Variants in NIN observed in about 807,000 individuals in gnomAD.
NIN encodes glycogen synthase kinase 3 beta-interacting protein.
Under a neutral mutation model 257.6 loss-of-function variants are expected in NIN, and 137 were observed. The observed-to-expected ratio is 0.53, with a 90% CI of 0.46 to 0.61. The LOEUF is 0.61. NIN is among the 20% of genes least tolerant of loss of function. NIN has a pLI of 0.00. For missense variants in NIN, 2,439 were observed against 2,501.2 expected (o/e 0.98, Z 0.53); for synonymous variants, 918 against 919.8 (o/e 1.00, Z 0.04).
chr14:50,811,310 T>C (rs1340954534), intron 3 of NIN, among the ~76,000 whole-genome samples: 2 of 151,700 alleles, frequency 1.3e-5, no homozygotes, highest in Admixed American at 6.6e-5. Flanking sequence ...GGTTTCACCA[T>C]GTTGCCCAGG....
chr14:50,769,134 T>C (rs548344274), intron 12 of NIN, among the ~76,000 whole-genome samples: 11 of 152,350 alleles, frequency 7.2e-5, no homozygotes, highest in African/African-American at 2.6e-4. Context: ...ACATTTCACA[T>C]GTACTTATTG....
intron 4 of NIN, among the ~76,000 whole-genome samples, chr14:50,795,727 G>A (rs1201433809): frequency 6.6e-6 from 1 of 152,196 alleles, no homozygotes; most frequent in Non-Finnish European, 1.5e-5. Context: ...TGACATCACA[G>A]AGCTTCCACA....
Position 50,827,963 on chromosome 14 carries a change from G to A in NIN, c.-22+2501C>T, listed in dbSNP as rs557897754. The stretch of plus-strand genomic sequence containing the variant: ...CCAATCAAGTAGTTAACTCAGGTTA[G>A]CTACAGGAAAAAAAAAACAAAAAAC... On this transcript the variant is annotated intron_variant, in intron 2 of 30. Transcript: ENST00000530997. 1.8e-3 allele frequency among the ~76,000 whole-genome samples: 264 copies of A among 144,918 alleles called. 2 individuals are homozygous for A. Among genetic ancestry groups the A allele is most frequent in the African/African-American group, 5.6e-3 (221 of 39,802 alleles).
At chr14:50,769,661 C>G (rs978371936) in intron 12 of NIN, among the ~76,000 whole-genome samples, 2 of 152,152 alleles carry the variant, frequency 1.3e-5, no homozygotes, top group African/African-American at 4.8e-5. Context: ...CCACCACACC[C>G]TGCTAATTTT....
intron 4 of NIN, among the ~76,000 whole-genome samples, chr14:50,803,457 G>A (rs985773634): frequency 3.3e-5 from 5 of 152,196 alleles, no homozygotes; most frequent in African/African-American, 4.8e-5. Context: ...TGTCCCTAAC[G>A]ATCAGGTAAA....
intron 5 of NIN, among the ~76,000 whole-genome samples, chr14:50,787,661 A>G (rs1301136956): frequency 6.6e-6 from 1 of 152,242 alleles, no homozygotes; most frequent in African/African-American, 2.4e-5. Flanking sequence ...ACCCAAGATG[A>G]GAGGTCAGAC....
intron 27 of NIN, among the ~76,000 whole-genome samples, chr14:50,737,887 TGCCTGCATCG>T (rs2041073960): frequency 6.6e-6 from 1 of 152,282 alleles, no homozygotes; most frequent in African/African-American, 2.4e-5. Flanking sequence ...CTTGGTGATC[TGCCTGCATCG>T]GCCTCCCAAA....
rs920469354 is a variant in NIN, at chr14:50,793,844, T to C, written c.266-963A>G. On this transcript the variant is annotated intron_variant, in intron 4 of 30. Coordinates refer to ENST00000530997, the MANE Select transcript of NIN (RefSeq NM_020921.4). ...ATTCAAATGTTATCTCAGCTATAGA[T>C]TTTTTAGCACCTTGTACAGCATCAG... 2.6e-5 allele frequency among the ~76,000 whole-genome samples: 4 copies of C among 152,338 alleles called. No homozygotes were observed. In the South Asian group the frequency reaches 6.2e-4, roughly 24 times the overall value.
intron 4 of NIN, among the ~76,000 whole-genome samples, chr14:50,798,461 C>T (rs2142089416): frequency 6.6e-6 from 1 of 152,314 alleles, no homozygotes; most frequent in South Asian, 2.1e-4. Context: ...GCAAGGCAAG[C>T]CCCAGGGCTG....
chr14:50,770,579 T>C lies in NIN; in HGVS notation c.1260-17A>G, dbSNP rs777543324. 8.7e-5 allele frequency: 140 copies of C among 1,611,450 alleles called. No individual in the cohort carries two copies. The highest frequency in any genetic ancestry group is 1.1e-4 in the Non-Finnish European group (132 of 1,179,152). ...TCCAGTTTCCTGTAACGAAGAAAAA[T>C]GGACAAGCTGCCATCACGTCTTTCA... On this transcript the variant is annotated splice_polypyrimidine_tract_variant and intron_variant, in intron 11 of 30. Transcript: ENST00000530997.
intron 4 of NIN, chr14:50,806,212 T>A (rs2044319916): frequency 6.6e-6 from 1 of 152,256 alleles, no homozygotes; most frequent in Non-Finnish European, 1.5e-5. Flanking sequence ...ACTTACTACA[T>A]GCTAAGCATT....
intron 2 of NIN, among the ~76,000 whole-genome samples, chr14:50,828,397 C>G (rs2045560035): frequency 6.6e-6 from 1 of 152,182 alleles, no homozygotes. Context: ...TGCTCACTTT[C>G]AGAATCTCAT....
At chr14:50,731,121 C>A (rs573978835) in intron 28 of NIN, 36 of 309,882 alleles carry the variant, frequency 1.2e-4, no homozygotes, top group Non-Finnish European at 1.3e-5. Context: ...ATGAAAGACA[C>A]ATTTTTCTGT....
Position 50,726,035 on chromosome 14 carries a change from T to G in NIN, c.6110A>C (p.Glu2037Ala). 1 of 1,613,906 alleles carries G rather than the reference T, an allele frequency of 6.2e-7. No homozygotes were observed. The change falls in exon 30 of 31, where the codon GAG becomes GCG. Residue 2037 changes from glutamate (E) to alanine (A), a missense_variant. Physicochemically the swap from Glu to Ala is moderately radical, Grantham distance 107 (BLOSUM62 -1). This residue lies in a region of NIN where 2,043 missense variants were observed against 2,050.2 expected (regional missense o/e 1.00). Coordinates refer to ENST00000530997, the MANE Select transcript of NIN (RefSeq NM_020921.4). ...CTGTTCAACTTCTATCATTCGTTCC[T>G]CCATGACAGTTACCAGTTGTTCCTG... ...GNQEQLVTVM[E>A]ERMIEVEQKL...
Position 50,773,107 on chromosome 14 carries a change from T to C in NIN, c.667-12A>G. The C allele has an allele frequency of 6.2e-7, 1 of 1,605,906 alleles. No homozygotes were observed. The highest frequency in any genetic ancestry group is 8.5e-7 in the Non-Finnish European group (1 of 1,174,784). ...ACTTCCTCGAGCATCTAGAAAAGAG[T>C]CATCACATATTTTAAATACTCCATT... On this transcript the variant is annotated splice_polypyrimidine_tract_variant and intron_variant, in intron 7 of 30. Transcript: ENST00000530997.
Position 50,722,503 on chromosome 14 carries a change from T to C in NIN, c.*960A>G, listed in dbSNP as rs2040291084. 2 of 209,258 alleles carry C rather than the reference T, an allele frequency of 9.6e-6. No individual in the cohort carries two copies. The highest frequency in any genetic ancestry group is 1.4e-4 in the East Asian group (2 of 13,812). 13.0% of individuals were successfully genotyped at this position (209,258 alleles called of 1,614,324 possible). A position where few individuals can be genotyped will look rare whatever the true frequency, so the allele number is the denominator to read the frequency against. On this transcript the variant is annotated 3_prime_UTR_variant, in exon 31 of 31. Transcript: ENST00000530997. ...TAAATGAGGTCACATGGTTTATACA[T>C]TTCAAATTCTTAGAGAGGCCCTACA... is the stretch of plus-strand genomic sequence containing the variant.
rs2042707948 is a variant in NIN at position 50,771,004 on chromosome 14, A to G, written c.1119-12T>C. The stretch of plus-strand genomic sequence containing the variant: ...GATCAACTCGTTCCCTAGGATCAGA[A>G]GTACACTGAGTTAATGGGAAACTGT... On this transcript the variant is annotated splice_polypyrimidine_tract_variant and intron_variant, in intron 10 of 30. Coordinates refer to ENST00000530997, the MANE Select transcript of NIN (RefSeq NM_020921.4). 6.2e-7 allele frequency: 1 copy of G among 1,611,196 alleles called. No homozygotes were observed. Among genetic ancestry groups the G allele is most frequent in the South Asian group, 1.1e-5 (1 of 90,780 alleles).
At position 50,758,566 on chromosome 14, in the gene NIN, A is replaced by G; in HGVS notation, c.2464T>C (p.Cys822Arg). 6.2e-7 allele frequency: 1 copy of G among 1,610,282 alleles called. No individual in the cohort carries two copies. The highest frequency in any genetic ancestry group is 1.7e-4 in the Middle Eastern group (1 of 6,042). Residue 822 changes from cysteine (C) to arginine (R), a missense_variant, in exon 18 of 31, where the codon TGT (cysteine) becomes CGT (arginine). Around this residue, in one of 3 missense-constraint regions of NIN, gnomAD observed 2,043 missense variants for 2,050.2 expected, o/e 1.00. Transcript: ENST00000530997. Reference protein sequence around the residue: ...SQIEAQFQSDCQKVTERCESA... With the variant: ...SQIEAQFQSDRQKVTERCESA... ...TCACACCTCTCAGTGACTTTCTGAC[A>G]ATCAGACTGAAACTGGGCTTCTATT...
At chr14:50,820,919 G>T (rs999987403) in intron 3 of NIN, among the ~76,000 whole-genome samples, 1 of 152,142 alleles carries the variant, frequency 6.6e-6, no homozygotes, top group Non-Finnish European at 1.5e-5. Context: ...TACCTCTCTT[G>T]TCAGCTAAAA....
Sources: gnomAD v4.1 joint callset for allele counts (sites outside exome capture counted in the v4.1 genomes callset) on GRCh38, gnomAD v4.1.1 for gene constraint, gnomAD v4.1.1 regional missense constraint, MANE v1.5 for transcripts, NCBI Gene and HGNC (gene_info 2026-07-23, HGNC 2026-07-21) for gene names.